TMEM200A: variants seen among roughly 807,000 people sequenced by gnomAD.
The protein encoded by TMEM200A is transmembrane protein 200A, also known as two transmembrane C.
A neutral mutation model predicts 24.3 loss-of-function variants in TMEM200A; 12 were observed. That is an observed-to-expected ratio of 0.49 (90% CI 0.32 to 0.80). TMEM200A has a LOEUF of 0.80. TMEM200A is among the 30% of genes least tolerant of loss of function. The probability of loss-of-function intolerance (pLI) is 0.04; values close to 1 mark genes in which losing one functional copy is unlikely to be tolerated. For synonymous variants in TMEM200A, 224 were observed against 224.4 expected, an observed-to-expected ratio of 1.00 and a Z score of 0.02; for missense variants, 545 against 614.4, an observed-to-expected ratio of 0.89 and a Z score of 1.19.
intron 2 of TMEM200A, among the ~76,000 whole-genome samples, chr6:130,400,867 GTTCCTT>G (rs1562558982): frequency 6.6e-6 from 1 of 151,938 alleles, no homozygotes; most frequent in African/African-American, 2.4e-5. Context: ...CCTGCTTTGT[GTTCCTT>G]TTCATCACAC....
intron 2 of TMEM200A, among the ~76,000 whole-genome samples, chr6:130,405,546 G>A (rs530448561): frequency 6.6e-6 from 1 of 152,206 alleles, no homozygotes; most frequent in South Asian, 2.1e-4. Context: ...TTGCATCATG[G>A]TAGGAGAATC....
At chr6:130,391,992 C>T (rs1194680147) in intron 2 of TMEM200A, among the ~76,000 whole-genome samples, 1 of 152,136 alleles carries the variant, frequency 6.6e-6, no homozygotes, top group Non-Finnish European at 1.5e-5. Flanking sequence ...ATCCTCCTGC[C>T]TTGGCCTCCC....
upstream of TMEM200A, chr6:130,365,743 G>T (rs1455308610): frequency 1.0e-6 from 1 of 985,574 alleles, no homozygotes; most frequent in African/African-American, 1.7e-5. Flanking sequence ...CCCAAAGATG[G>T]GTTTTGTCTG....
rs1322715707 is a variant in TMEM200A at position 130,441,151 on chromosome 6, G to A, written c.729G>A (p.Met243Ile). 5.0e-6 allele frequency: 8 copies of A among 1,613,910 alleles called. No homozygotes were observed. Among genetic ancestry groups the A allele is most frequent in the Non-Finnish European group, 5.9e-6 (7 of 1,179,982 alleles). The change falls in exon 3 of 3, where the codon ATG (methionine) becomes ATA (isoleucine). Residue 243 changes from methionine (M) to isoleucine (I), a missense_variant. Coordinates refer to ENST00000296978, the MANE Select transcript of TMEM200A (RefSeq NM_001258277.2). ...AAGGTAAGAGTTCTGGGCATCTTATGCCCCCTTTGCTCTCTGACAGCTCTG... is the reference window on the plus strand; with the variant it reads ...AAGGTAAGAGTTCTGGGCATCTTATACCCCCTTTGCTCTCTGACAGCTCTG... The part of the protein sequence containing the change: ...LNEGKSSGHL[M>I]PPLLSDSSVS...
chr6:130,425,543 T>C (rs1317706288), intron 2 of TMEM200A, among the ~76,000 whole-genome samples: 2 of 152,168 alleles, frequency 1.3e-5, no homozygotes, highest in African/African-American at 4.8e-5. Flanking sequence ...AAGCAAAGGA[T>C]ATTGAAGCCT....
chr6:130,426,775 T>G (rs2115195736), intron 2 of TMEM200A, among the ~76,000 whole-genome samples: 1 of 152,302 alleles, frequency 6.6e-6, no homozygotes, highest in Non-Finnish European at 1.5e-5. Context: ...AGTTCATCGA[T>G]GCTGATTAAG....
chr6:130,401,642 A>C (rs948862983), intron 2 of TMEM200A, among the ~76,000 whole-genome samples: 7 of 151,724 alleles, frequency 4.6e-5, no homozygotes, highest in African/African-American at 1.7e-4. Flanking sequence ...CATTGGGTCT[A>C]TGGTTATATG....
intron 2 of TMEM200A, among the ~76,000 whole-genome samples, chr6:130,388,906 T>C (rs2115104030): frequency 6.6e-6 from 1 of 152,306 alleles, no homozygotes; most frequent in South Asian, 2.1e-4. Flanking sequence ...CTAATTAGTA[T>C]ATTTAAGAGA....
chr6:130,408,252 TC>T (rs1306246781), intron 2 of TMEM200A, among the ~76,000 whole-genome samples: 1 of 152,036 alleles, frequency 6.6e-6, no homozygotes, highest in Non-Finnish European at 1.5e-5. Context: ...ACCAGAAGGA[TC>T]AGGAGGGAGC....
intron 2 of TMEM200A, among the ~76,000 whole-genome samples, chr6:130,429,395 G>A (rs547946234): frequency 2.0e-5 from 3 of 152,052 alleles, no homozygotes; most frequent in Admixed American, 6.6e-5. Context: ...GGTGTCATGC[G>A]CCTGTAATCC....
At chr6:130,408,680 C>T (rs1779262615) in intron 2 of TMEM200A, among the ~76,000 whole-genome samples, 3 of 152,046 alleles carry the variant, frequency 2.0e-5, no homozygotes, top group Admixed American at 2.0e-4. Flanking sequence ...TTCTGAAAGA[C>T]CATGTGTTTT....
At position 130,442,005 on chromosome 6, in the gene TMEM200A, T is replaced by C. The variant is rs1780205646; in HGVS notation, c.*107T>C. On this transcript the variant is annotated 3_prime_UTR_variant, in exon 3 of 3. Coordinates refer to ENST00000296978, the MANE Select transcript of TMEM200A (RefSeq NM_001258277.2). ...TAAGCCTTTTTAATCAAATGGTTTG[T>C]AGTGTATTAGAATTGGCTGCTTAGT... 8.6e-7 allele frequency: 1 copy of C among 1,167,964 alleles called. No homozygotes were observed. Among genetic ancestry groups the C allele is most frequent in the Non-Finnish European group, 1.2e-6 (1 of 841,156 alleles). The allele number at this position is 1,167,964 out of a possible 1,614,324, so 72.4% of individuals were successfully genotyped here.
intron 2 of TMEM200A, among the ~76,000 whole-genome samples, chr6:130,392,900 C>T (rs1447035159): frequency 6.6e-6 from 1 of 152,186 alleles, no homozygotes; most frequent in Non-Finnish European, 1.5e-5. Flanking sequence ...ACATCTCATT[C>T]ATTTTGATTC....
At chr6:130,394,471 C>T (rs893742829) in intron 2 of TMEM200A, among the ~76,000 whole-genome samples, 2 of 152,136 alleles carry the variant, frequency 1.3e-5, no homozygotes, top group Non-Finnish European at 2.9e-5. Flanking sequence ...CTGCTTTTGG[C>T]AGAGGCTCGA....
rs562890941 is a variant in TMEM200A at position 130,430,812 on chromosome 6, T to C, written c.-16-9595T>C. Reference sequence around the variant, plus strand: ...TTTTACTTATGAAAAATATGTAAAATTCTCTAGCAGAAATGATGTAATTTG... The same window carrying C: ...TTTTACTTATGAAAAATATGTAAAACTCTCTAGCAGAAATGATGTAATTTG... On this transcript the variant is annotated intron_variant, in intron 2 of 2. Coordinates refer to ENST00000296978, the MANE Select transcript of TMEM200A (RefSeq NM_001258277.2). 3.3e-4 allele frequency among the ~76,000 whole-genome samples: 51 copies of C among 152,334 alleles called. No individual in the cohort carries two copies. In the South Asian group the frequency reaches 9.7e-3, roughly 29 times the overall value.
At chr6:130,385,697 T>C (rs1317439963) in intron 2 of TMEM200A, among the ~76,000 whole-genome samples, 2 of 152,190 alleles carry the variant, frequency 1.3e-5, no homozygotes, top group African/African-American at 4.8e-5. Context: ...AAAAGGAGGT[T>C]TATACCTTGT....
intron 1 of TMEM200A, among the ~76,000 whole-genome samples, chr6:130,369,197 G>A (rs1437595408): frequency 6.6e-6 from 1 of 152,172 alleles, no homozygotes; most frequent in African/African-American, 2.4e-5. Flanking sequence ...AGTACTGGGT[G>A]GTTTTCCATG....
At chr6:130,393,678 C>A (rs1217363294) in intron 2 of TMEM200A, among the ~76,000 whole-genome samples, 2 of 152,138 alleles carry the variant, frequency 1.3e-5, no homozygotes, top group African/African-American at 4.8e-5. Context: ...TCTGAAGAGT[C>A]CTTTTTTCAA....
At chr6:130,407,063 A>G (rs934407408) in intron 2 of TMEM200A, among the ~76,000 whole-genome samples, 1 of 152,048 alleles carries the variant, frequency 6.6e-6, no homozygotes, top group Non-Finnish European at 1.5e-5. Flanking sequence ...TTTTATTTTC[A>G]TACGGGGAGA....
Sources: gnomAD v4.1 joint callset for allele counts (sites outside exome capture counted in the v4.1 genomes callset) on GRCh38, gnomAD v4.1.1 for gene constraint, MANE v1.5 for transcripts, NCBI Gene and HGNC (gene_info 2026-07-23, HGNC 2026-07-21) for gene names.